The following DNAH11 variants were observed in gnomAD, a reference collection of about 807,000 sequenced individuals.
DNAH11 encodes axonemal beta dynein heavy chain 11.
DNAH11 carries 442 observed loss-of-function variants against 526.0 expected under a neutral mutation model. The observed-to-expected ratio is 0.84, with a 90% CI of 0.78 to 0.91. DNAH11 has a LOEUF of 0.91. Among genes scored for constraint, DNAH11 ranks in the 40% least tolerant of loss-of-function variants. The pLI is 0.00. For missense variants in DNAH11, 6,989 were observed against 5,448.7 expected, an observed-to-expected ratio of 1.28 and a Z score of -8.90; for synonymous variants, 2,461 against 1,935.9, an observed-to-expected ratio of 1.27 and a Z score of -7.12.
At chr7:21,808,130 C>T (rs547353829) in intron 63 of DNAH11, 81 bp downstream of exon 63, 93 of 1,150,642 alleles carry the variant, frequency 8.1e-5, no homozygotes, top group Non-Finnish European at 8.7e-5. Context: ...ATATGCCAGG[C>T]GCTTTTGGAC....
At chr7:21,830,781 G>A (rs1790518613) in intron 65 of DNAH11, among the ~76,000 whole-genome samples, 2 of 152,030 alleles carry the variant, frequency 1.3e-5, no homozygotes, top group African/African-American at 4.8e-5. Context: ...CCATGTCCTA[G>A]CCAATTAAAC....
At chr7:21,577,130 C>T (rs547698167) in intron 8 of DNAH11, among the ~76,000 whole-genome samples, 1 of 152,238 alleles carries the variant, frequency 6.6e-6, no homozygotes, top group South Asian at 2.1e-4. Flanking sequence ...ACACTGGCAA[C>T]CAGGAAATGC....
intron 25 of DNAH11, among the ~76,000 whole-genome samples, chr7:21,633,863 A>C (rs1786736240): frequency 6.6e-6 from 1 of 152,220 alleles, no homozygotes; most frequent in Non-Finnish European, 1.5e-5. Context: ...CAATGAGGAC[A>C]ATATTAGTAG....
chr7:21,558,559 T>A (rs772166460), intron 2 of DNAH11, among the ~76,000 whole-genome samples: 1 of 152,238 alleles, frequency 6.6e-6, no homozygotes, highest in African/African-American at 2.4e-5. Flanking sequence ...ATTGGGAACC[T>A]CCACAAATGT....
chr7:21,869,292 C>T (rs972539283), intron 73 of DNAH11, among the ~76,000 whole-genome samples: 8 of 152,310 alleles, frequency 5.3e-5, no homozygotes, highest in South Asian at 2.1e-4. Context: ...CCTGAGAACA[C>T]GCAGGCTTGT....
At chr7:21,604,612 C>G (rs147894565) in intron 18 of DNAH11, among the ~76,000 whole-genome samples, 8 of 152,282 alleles carry the variant, frequency 5.3e-5, no homozygotes, top group African/African-American at 1.9e-4. Context: ...AGTGTCACCT[C>G]CTCCTTGAGT....
At chr7:21,559,929 G>T (rs1160916912) in intron 4 of DNAH11, 137 bp downstream of exon 4, 2 of 702,270 alleles carry the variant, frequency 2.8e-6, no homozygotes, top group Admixed American at 3.3e-5. Context: ...CCAGAGTTCT[G>T]TGTGTGTGGT....
intron 9 of DNAH11, among the ~76,000 whole-genome samples, chr7:21,584,843 T>A (rs1784430746): frequency 6.6e-6 from 1 of 152,284 alleles, no homozygotes; most frequent in African/African-American, 2.4e-5. Context: ...TAAAATTTTT[T>A]CTTGCCTTTA....
At chr7:21,572,838 C>T (rs1050255077) in intron 8 of DNAH11, among the ~76,000 whole-genome samples, 2 of 152,124 alleles carry the variant, frequency 1.3e-5, no homozygotes, top group African/African-American at 4.8e-5. Flanking sequence ...TAAACCAGGG[C>T]ACTACACTTT....
intron 61 of DNAH11, among the ~76,000 whole-genome samples, chr7:21,793,134 G>A (rs1374793219): frequency 6.6e-6 from 1 of 152,142 alleles, no homozygotes. Context: ...TTGACCAACT[G>A]ATTAGGAACA....
At chr7:21,623,606 A>C (rs1468247882) in intron 25 of DNAH11, among the ~76,000 whole-genome samples, 1 of 152,048 alleles carries the variant, frequency 6.6e-6, no homozygotes, top group Admixed American at 6.5e-5. Flanking sequence ...CAAATGTGGC[A>C]CATATACACC....
chr7:21,679,112 G>A (rs1265094225), intron 30 of DNAH11, among the ~76,000 whole-genome samples: 2 of 152,024 alleles, frequency 1.3e-5, no homozygotes, highest in African/African-American at 2.4e-5. Flanking sequence ...AATCTGAAGG[G>A]CATTATTCTA....
intron 34 of DNAH11, 119 bp from the exon 35 acceptor site, chr7:21,690,645 GA>G (rs1243914457): frequency 2.8e-6 from 2 of 707,316 alleles, no homozygotes; most frequent in African/African-American, 3.7e-5. Context: ...GAATTTTAAA[GA>G]AAATTACACA....
intron 30 of DNAH11, among the ~76,000 whole-genome samples, chr7:21,672,938 A>G (rs1257270404): frequency 1.3e-5 from 2 of 152,134 alleles, no homozygotes; most frequent in Non-Finnish European, 2.9e-5. Flanking sequence ...CTGTCATCCT[A>G]CCAAGCTCGC....
intron 66 of DNAH11, chr7:21,851,784 C>T (rs775190618): frequency 2.2e-5 from 9 of 409,296 alleles, no homozygotes; most frequent in Non-Finnish European, 4.5e-5. Context: ...GTCCTGTGAC[C>T]TCCGTTCTCT....
At chr7:21,731,605 G>A (rs1785388934) in intron 45 of DNAH11, among the ~76,000 whole-genome samples, 1 of 152,142 alleles carries the variant, frequency 6.6e-6, no homozygotes. Flanking sequence ...AAACAAAAAA[G>A]CAAACCTGTA....
chr7:21,762,231 C>T (rs578098973), intron 54 of DNAH11, among the ~76,000 whole-genome samples: 1 of 152,188 alleles, frequency 6.6e-6, no homozygotes, highest in African/African-American at 2.4e-5. Context: ...AATAATGAGG[C>T]CTTATCACTC....
chr7:21,608,549 A>G (rs1283561167), intron 20 of DNAH11, among the ~76,000 whole-genome samples: 1 of 152,212 alleles, frequency 6.6e-6, no homozygotes, highest in Admixed American at 6.5e-5. Context: ...TATTCAGAAA[A>G]CACCATTCTA....
At chr7:21,880,983 T>C in intron 75 of DNAH11, 90 bp downstream of exon 75, 1 of 1,211,130 alleles carries the variant, frequency 8.3e-7, no homozygotes, top group East Asian at 2.6e-5. Flanking sequence ...AATTTCTCTT[T>C]TGAAGCTATT....
Sources: gnomAD v4.1 joint callset for allele counts (sites outside exome capture counted in the v4.1 genomes callset) on GRCh38, gnomAD v4.1.1 for gene constraint, MANE v1.5 for transcripts, NCBI Gene and HGNC (gene_info 2026-07-23, HGNC 2026-07-21) for gene names.